URI1: variants seen among roughly 807,000 people sequenced by gnomAD.
URI1 encodes unconventional prefoldin RPB5 interactor 1.
Under a neutral mutation model 60.2 loss-of-function variants are expected in URI1, and 39 were observed. That is an observed-to-expected ratio of 0.65 (90% confidence interval 0.50 to 0.85). The LOEUF is 0.85. Ranked by LOEUF, URI1 falls within the 40% of genes least tolerant of loss-of-function variation. URI1 has a pLI of 0.00. For synonymous variants in URI1, 251 were observed against 236.8 expected (o/e 1.06, Z -0.55); for missense variants, 691 against 665.9 (o/e 1.04, Z -0.42).
intron 7 of URI1, among the ~76,000 whole-genome samples, 178 bp from the exon 8 acceptor site, chr19:30,008,826 TA>T (rs1400395063): frequency 6.6e-6 from 1 of 152,180 alleles, no homozygotes; most frequent in African/African-American, 2.4e-5. Context: ...AGAAGCAGCA[TA>T]GGAACTGTTT....
At chr19:29,970,128 A>ATTTTTTTTTTTTT (rs199739403) in intron 1 of URI1, among the ~76,000 whole-genome samples, 2 of 74,564 alleles carry the variant, frequency 2.7e-5, no homozygotes, top group African/African-American at 9.6e-5. Flanking sequence ...AATCGTGTGT[A>ATTTTTTTTTTTTT]TTTTTTTTTT....
intron 1 of URI1, among the ~76,000 whole-genome samples, chr19:29,970,499 G>C (rs1402251199): frequency 6.6e-6 from 1 of 151,806 alleles, no homozygotes; most frequent in Non-Finnish European, 1.5e-5. Context: ...TGAGCATTTT[G>C]AGAATCTACT....
At chr19:29,973,186 A>G (rs1388206963) in intron 2 of URI1, among the ~76,000 whole-genome samples, 4 of 152,126 alleles carry the variant, frequency 2.6e-5, no homozygotes, top group Admixed American at 2.6e-4. Context: ...TCCTCAAACA[A>G]TAGTTGAGTT....
intron 4 of URI1, among the ~76,000 whole-genome samples, chr19:29,991,357 T>C (rs1295954993): frequency 4.6e-5 from 7 of 152,218 alleles, no homozygotes; most frequent in African/African-American, 1.7e-4. Flanking sequence ...GTTTCACCTT[T>C]TGTGGAGCTG....
chr19:29,984,537 G>C (rs2055637965), intron 2 of URI1, among the ~76,000 whole-genome samples: 2 of 152,100 alleles, frequency 1.3e-5, no homozygotes, highest in Admixed American at 6.5e-5. Flanking sequence ...GGTCCAGATA[G>C]TCTTGTATCT....
At chr19:29,957,030 C>A in intron 1 of URI1, 1 of 613,504 alleles carries the variant, frequency 1.6e-6, no homozygotes, top group South Asian at 1.8e-5. Flanking sequence ...CCAGAGTAGT[C>A]TTTTTAAGAA....
At chr19:29,960,002 C>T (rs1713834693) in intron 1 of URI1, among the ~76,000 whole-genome samples, 1 of 152,090 alleles carries the variant, frequency 6.6e-6, no homozygotes, top group Admixed American at 6.5e-5. Context: ...TTAGGTACTG[C>T]ACACATTTTG....
chr19:29,999,258 C>T (rs2055849101), intron 4 of URI1, among the ~76,000 whole-genome samples: 1 of 152,010 alleles, frequency 6.6e-6, no homozygotes, highest in African/African-American at 2.4e-5. Flanking sequence ...TATGTGTTTA[C>T]CTTTATCAGA....
In URI1 at chr19:30,012,393, T is replaced by C; in HGVS notation, c.1287T>C (p.Ala429=). ...GCGACACTAGTGAAAGCAGTGCTGC[T>C]GAATTTGATGATAGGCGGGGAGTTT... ...VCSDTSESSA[A]EFDDRRGVLR... The change falls in exon 10 of 11, where the codon GCT becomes GCC. Residue 429 remains alanine (A), a synonymous_variant. Coordinates refer to ENST00000392271, the MANE Select transcript of URI1 (RefSeq NM_003796.3). The C allele has an allele frequency of 6.2e-7, 1 of 1,614,194 alleles. No individual in the cohort carries two copies. The highest frequency in any genetic ancestry group is 1.3e-5 in the African/African-American group (1 of 75,056).
chr19:29,974,173 A>T (rs774338060), intron 2 of URI1, among the ~76,000 whole-genome samples: 11 of 152,172 alleles, frequency 7.2e-5, no homozygotes, highest in African/African-American at 2.4e-4. Context: ...AGTGATGATG[A>T]TACTACTTAA....
intron 1 of URI1, among the ~76,000 whole-genome samples, chr19:29,924,333 G>A (rs1460623522): frequency 3.9e-5 from 6 of 152,090 alleles, no homozygotes; most frequent in Non-Finnish European, 8.8e-5. Context: ...GGGTGCTTGC[G>A]GACTCACCTT....
rs531169826 is a variant in URI1, at chr19:29,942,629, C to G, written c.82C>G (p.Pro28Ala). The G allele has an allele frequency of 2.3e-4, 335 of 1,468,548 alleles. 3 individuals are homozygous for G. In the East Asian group the frequency reaches 8.8e-3, roughly 39 times the overall value. 91.0% of individuals were successfully genotyped at this position (1,468,548 alleles called of 1,614,324 possible). Residue 28 changes from proline (P) to alanine (A), a missense_variant, in exon 1 of 11, where the codon CCG (proline) becomes GCG (alanine). Pro to Ala is a conservative substitution (Grantham distance 27). Coordinates refer to ENST00000392271, the MANE Select transcript of URI1 (RefSeq NM_003796.3). The stretch of plus-strand genomic sequence containing the variant: ...CCCTGCCCTGGTTCCGTTGCGCGCC[C>G]CGGATGTGGCGCGGCTGCGCGAGGA... Reference protein sequence around the residue: ...PAPALVPLRAPDVARLREEQE... With the variant: ...PAPALVPLRAADVARLREEQE...
At chr19:29,991,322 C>T (rs543676249) in intron 4 of URI1, among the ~76,000 whole-genome samples, 56 of 152,168 alleles carry the variant, frequency 3.7e-4, no homozygotes, top group African/African-American at 1.3e-3. Flanking sequence ...AGGTCATATG[C>T]GTTTTGTTAG....
chr19:29,975,280 C>T (rs1217243169), intron 2 of URI1, among the ~76,000 whole-genome samples: 1 of 152,032 alleles, frequency 6.6e-6, no homozygotes, highest in African/African-American at 2.4e-5. Context: ...ATCCCATCTC[C>T]AGTTTTGAAA....
intron 7 of URI1, 79 bp from the exon 8 acceptor site, chr19:30,008,926 C>T: frequency 4.5e-6 from 5 of 1,107,536 alleles, no homozygotes; most frequent in Non-Finnish European, 5.0e-6. Context: ...AGTATTTACC[C>T]ATGGAAACTA....
intron 1 of URI1, among the ~76,000 whole-genome samples, chr19:29,965,945 A>C (rs11671491): frequency 0.91 from 138,562 of 152,226 alleles, 63,478 homozygotes; most frequent in East Asian, 0.99. Context: ...GAATCTGGCT[A>C]AAACATAAAG....
rs902146021 is a variant in URI1, at chr19:29,942,290, A to C, written c.-258A>C. On this transcript the variant is annotated 5_prime_UTR_variant, in exon 1 of 11. Coordinates refer to ENST00000392271, the MANE Select transcript of URI1 (RefSeq NM_003796.3). ...ACGCCTGGCTGGGCCCGCACCGGAGAGGCGTCTCGGTACCTGGCAGGCGGC... is the reference window on the plus strand; with the variant it reads ...ACGCCTGGCTGGGCCCGCACCGGAGCGGCGTCTCGGTACCTGGCAGGCGGC... 1 of 984,986 alleles carries C rather than the reference A, an allele frequency of 1.0e-6. No individual in the cohort carries two copies. The highest frequency in any genetic ancestry group is 1.1e-4 in the East Asian group (1 of 8,776). The allele number at this position is 984,986 out of a possible 1,614,324, so 61.0% of individuals were successfully genotyped here.
At chr19:29,966,136 T>C (rs958277840) in intron 1 of URI1, among the ~76,000 whole-genome samples, 2 of 152,176 alleles carry the variant, frequency 1.3e-5, no homozygotes, top group African/African-American at 4.8e-5. Flanking sequence ...TTATGGTGGT[T>C]GATTTATTTA....
chr19:29,993,797 A>C (rs2055776138), intron 4 of URI1, among the ~76,000 whole-genome samples: 1 of 152,166 alleles, frequency 6.6e-6, no homozygotes. Flanking sequence ...CATCGCTGTT[A>C]TCAGTATCTT....
Sources: gnomAD v4.1 joint callset for allele counts (sites outside exome capture counted in the v4.1 genomes callset) on GRCh38, gnomAD v4.1.1 for gene constraint, MANE v1.5 for transcripts, NCBI Gene and HGNC (gene_info 2026-07-23, HGNC 2026-07-21) for gene names.